Variants in CACNA1A observed in about 807,000 individuals in gnomAD.
The protein encoded by CACNA1A is voltage-dependent P/Q-type calcium channel subunit alpha-1A.
Under a neutral mutation model 262.4 loss-of-function variants are expected in CACNA1A, and 57 were observed. The observed-to-expected ratio is 0.22, with a 90% CI of 0.18 to 0.27. CACNA1A has a LOEUF of 0.27. Ranked by LOEUF, CACNA1A falls within the 10% of genes least tolerant of loss-of-function variation. The pLI is 1.00. For synonymous variants in CACNA1A, 1,431 were observed against 1,419.3 expected (o/e 1.01, Z -0.18); for missense variants, 2,526 against 3,562.8 (o/e 0.71, Z 7.41).
chr19:13,307,859 A>C lies in CACNA1A; in HGVS notation c.1914-5T>G. 6.2e-7 allele frequency: 1 copy of C among 1,613,300 alleles called. No individual in the cohort carries two copies. ...GTCCCTTCATCGAAATTAAACCTGCAGGGAGGACACAGACATTTCACGTTG... is the reference window on the plus strand; with the variant it reads ...GTCCCTTCATCGAAATTAAACCTGCCGGGAGGACACAGACATTTCACGTTG... On this transcript the variant is annotated splice_polypyrimidine_tract_variant and splice_region_variant and intron_variant, in intron 14 of 46. Transcript: ENST00000360228.
intron 1 of CACNA1A, among the ~76,000 whole-genome samples, chr19:13,467,579 G>C (rs2061271318): frequency 6.6e-6 from 1 of 151,456 alleles, no homozygotes; most frequent in African/African-American, 2.4e-5. Context: ...CTGGATGTCA[G>C]AGGGGATGCA....
At chr19:13,417,636 C>T (rs1183531512) in intron 3 of CACNA1A, among the ~76,000 whole-genome samples, 3 of 152,158 alleles carry the variant, frequency 2.0e-5, no homozygotes, top group African/African-American at 7.2e-5. Context: ...TGCCTGTAAT[C>T]CCAGCACTTT....
chr19:13,315,165 A>G (rs2058101976), intron 11 of CACNA1A: 1 of 143,614 alleles, frequency 7.0e-6, no homozygotes, highest in South Asian at 2.3e-4. Flanking sequence ...ATTTTTGTTT[A>G]TATTTTGACA....
At chr19:13,429,290 T>C (rs1177335402) in intron 3 of CACNA1A, among the ~76,000 whole-genome samples, 3 of 151,712 alleles carry the variant, frequency 2.0e-5, no homozygotes, top group Non-Finnish European at 4.4e-5. Context: ...ACGCCTGTCC[T>C]GGTTTCTCTG....
chr19:13,268,493 G>A (rs2056923493), intron 24 of CACNA1A, among the ~76,000 whole-genome samples: 2 of 150,968 alleles, frequency 1.3e-5, no homozygotes, highest in African/African-American at 2.4e-5. Context: ...GAGTGCAGTG[G>A]CAAGATCTCG....
At chr19:13,323,542 A>ACCT (rs2058298062) in intron 10 of CACNA1A, among the ~76,000 whole-genome samples, 2 of 150,656 alleles carry the variant, frequency 1.3e-5, no homozygotes, top group South Asian at 2.1e-4. Flanking sequence ...GCTCACTGCA[A>ACCT]CCTCCTCCTC....
At chr19:13,505,277 G>C (rs527368218) in intron 1 of CACNA1A, among the ~76,000 whole-genome samples, 1 of 152,290 alleles carries the variant, frequency 6.6e-6, no homozygotes, top group South Asian at 2.1e-4. Flanking sequence ...GCGCCCCCCA[G>C]CCCATCACTA....
In CACNA1A at chr19:13,308,877, T is replaced by C. The variant is rs2057960508; in HGVS notation, c.1669-349A>G. On this transcript the variant is annotated intron_variant, in intron 12 of 46. Coordinates refer to ENST00000360228, the MANE Select transcript of CACNA1A (RefSeq NM_001127222.2). This position sits in a 1 kb window ranked among gnomAD's most constrained non-coding sequence, Gnocchi z 4.2. ...CATTTTTATAGAGATAGTGTCTCGC[T>C]AGTATTGCCCAGGCTGGCCTCAAAC... 6.0e-6 allele frequency: 1 copy of C among 165,812 alleles called. No individual in the cohort carries two copies. Among genetic ancestry groups the C allele is most frequent in the African/African-American group, 2.4e-5 (1 of 41,988 alleles). The allele number at this position is 165,812 out of a possible 1,614,324, so 10.3% of individuals were successfully genotyped here. A position where few individuals can be genotyped will look rare whatever the true frequency, so the allele number is the denominator to read the frequency against.
chr19:13,457,581 T>C (rs1187568722), intron 1 of CACNA1A, among the ~76,000 whole-genome samples: 1 of 152,200 alleles, frequency 6.6e-6, no homozygotes, highest in Non-Finnish European at 1.5e-5. Context: ...CCGGGTGCAG[T>C]GGCTCACGCC....
chr19:13,501,989 C>G (rs1432449930), intron 1 of CACNA1A, among the ~76,000 whole-genome samples: 1 of 152,030 alleles, frequency 6.6e-6, no homozygotes, highest in Non-Finnish European at 1.5e-5. Context: ...CTGGAAATAC[C>G]AGCCAAGCCG....
chr19:13,284,676 C>A (rs1198593314), intron 21 of CACNA1A: 1 of 182,730 alleles, frequency 5.5e-6, no homozygotes, highest in African/African-American at 2.4e-5. Context: ...CCTAGGGCTG[C>A]CACGTGCAGT....
At chr19:13,229,202 A>G in intron 36 of CACNA1A, 1 of 156,982 alleles carries the variant, frequency 6.4e-6, no homozygotes, top group Non-Finnish European at 1.4e-5. Flanking sequence ...CTCATGGAGT[A>G]CTTGTTTGAG....
chr19:13,490,461 G>A (rs1980623869), intron 1 of CACNA1A, among the ~76,000 whole-genome samples: 1 of 152,056 alleles, frequency 6.6e-6, no homozygotes, highest in Non-Finnish European at 1.5e-5. Context: ...AAATTAGCTG[G>A]GTGTGGTGGC....
intron 19 of CACNA1A, among the ~76,000 whole-genome samples, chr19:13,296,615 C>T (rs749666554): frequency 1.1e-4 from 17 of 152,208 alleles, no homozygotes; most frequent in Non-Finnish European, 2.2e-4. Context: ...TCTTGAACTC[C>T]GGGGCTCAAG....
intron 20 of CACNA1A, 28 bp downstream of exon 20, chr19:13,286,475 C>T: frequency 1.7e-6 from 2 of 1,161,794 alleles, no homozygotes; most frequent in Non-Finnish European, 2.4e-6. Flanking sequence ...GGTCCCCTGC[C>T]CAGTGATGTG....
intron 28 of CACNA1A, chr19:13,256,406 T>C (rs1281799404): frequency 6.6e-6 from 1 of 152,186 alleles, no homozygotes; most frequent in Admixed American, 6.6e-5. Flanking sequence ...AGAGGATATA[T>C]TCTAGGTCCT....
chr19:13,414,733 G>A (rs750175792), intron 3 of CACNA1A, among the ~76,000 whole-genome samples: 16 of 151,924 alleles, frequency 1.1e-4, no homozygotes, highest in Admixed American at 2.0e-4. Flanking sequence ...CAAAGTGGGC[G>A]GATCGCTTGA....
intron 1 of CACNA1A, among the ~76,000 whole-genome samples, chr19:13,484,993 G>A (rs1979802026): frequency 6.6e-6 from 1 of 152,188 alleles, no homozygotes; most frequent in South Asian, 2.1e-4. Flanking sequence ...AGCCATGATT[G>A]CATCTGTCAT....
chr19:13,420,478 TAAG>T (rs2060299956), intron 3 of CACNA1A, among the ~76,000 whole-genome samples: 1 of 152,026 alleles, frequency 6.6e-6, no homozygotes, highest in South Asian at 2.1e-4. Flanking sequence ...GGTATCCTTC[TAAG>T]AAGAGGAAAG....
Sources: gnomAD v4.1 joint callset for allele counts (sites outside exome capture counted in the v4.1 genomes callset) on GRCh38, gnomAD v4.1.1 for gene constraint, Gnocchi (gnomAD v3.1) non-coding constraint, MANE v1.5 for transcripts, NCBI Gene and HGNC (gene_info 2026-07-23, HGNC 2026-07-21) for gene names.